The following SPAG16 variants were observed in gnomAD, a reference collection of about 807,000 sequenced individuals.
SPAG16 encodes the protein sperm associated antigen 16.
In SPAG16, 86 loss-of-function variants were observed where a neutral mutation model predicts 80.4. The ratio of observed to expected loss-of-function variants is 1.07; its 90% CI spans 0.90 to 1.28. The LOEUF (loss-of-function observed/expected upper bound fraction) is 1.28. Ranked by LOEUF, SPAG16 falls within the 50% of genes most tolerant of loss-of-function variation. The pLI, the probability that SPAG16 is intolerant of heterozygous loss-of-function variation, is 0.00. For missense variants in SPAG16, 870 were observed against 765.3 expected, an observed-to-expected ratio of 1.14 and a Z score of -1.61; for synonymous variants, 294 against 265.9, an observed-to-expected ratio of 1.11 and a Z score of -1.03.
chr2:214,132,705 G>C (rs1254355463), intron 14 of SPAG16, among the ~76,000 whole-genome samples: 1 of 152,130 alleles, frequency 6.6e-6, no homozygotes, highest in East Asian at 1.9e-4. Context: ...TGCATTTGAG[G>C]AATAGCCAAT....
chr2:213,429,408 C>A (rs1216878674), intron 9 of SPAG16, among the ~76,000 whole-genome samples: 1 of 152,110 alleles, frequency 6.6e-6, no homozygotes, highest in African/African-American at 2.4e-5. Flanking sequence ...CATTAAGTTG[C>A]TCCCTGGCCT....
At chr2:214,078,784 G>A (rs900954431) in intron 13 of SPAG16, among the ~76,000 whole-genome samples, 1 of 152,142 alleles carries the variant, frequency 6.6e-6, no homozygotes, top group Non-Finnish European at 1.5e-5. Context: ...TGTTTTCAGA[G>A]TATTTCTCTA....
chr2:213,610,914 G>A (rs1279865800), intron 10 of SPAG16, among the ~76,000 whole-genome samples: 2 of 152,118 alleles, frequency 1.3e-5, no homozygotes, highest in Non-Finnish European at 2.9e-5. Flanking sequence ...AAGATATCGG[G>A]ATATCTGGAC....
intron 15 of SPAG16, among the ~76,000 whole-genome samples, chr2:214,282,290 A>T (rs1309564714): frequency 1.3e-5 from 2 of 152,128 alleles, no homozygotes; most frequent in African/African-American, 4.8e-5. Context: ...AAAATTACTT[A>T]AAAAAGTGTT....
At chr2:214,228,168 A>T (rs1458646067) in intron 15 of SPAG16, among the ~76,000 whole-genome samples, 1 of 151,950 alleles carries the variant, frequency 6.6e-6, no homozygotes, top group African/African-American at 2.4e-5. Context: ...ATTCAATCCT[A>T]CTTTCCTTAA....
At chr2:213,578,287 C>T (rs939710650) in intron 10 of SPAG16, among the ~76,000 whole-genome samples, 1 of 151,982 alleles carries the variant, frequency 6.6e-6, no homozygotes, top group Admixed American at 6.6e-5. Flanking sequence ...TTGTTTCAGA[C>T]AGGACAGCAA....
intron 8 of SPAG16, among the ~76,000 whole-genome samples, chr2:213,374,223 C>T (rs1287515084): frequency 1.3e-5 from 2 of 152,142 alleles, no homozygotes; most frequent in South Asian, 4.1e-4. Flanking sequence ...TTCTTCCCTG[C>T]CTTTATAATC....
chr2:214,205,539 A>G (rs907166383), intron 15 of SPAG16, among the ~76,000 whole-genome samples: 1 of 152,220 alleles, frequency 6.6e-6, no homozygotes, highest in Non-Finnish European at 1.5e-5. Context: ...AGTCAGTATT[A>G]TACAAAAGCA....
chr2:214,384,767 G>T (rs1026382607), intron 15 of SPAG16, among the ~76,000 whole-genome samples: 2 of 152,164 alleles, frequency 1.3e-5, no homozygotes, highest in Non-Finnish European at 2.9e-5. Flanking sequence ...CAAAGCATAT[G>T]GCTGCTGCTT....
At chr2:213,702,558 G>C (rs1339438237) in intron 10 of SPAG16, among the ~76,000 whole-genome samples, 1 of 152,092 alleles carries the variant, frequency 6.6e-6, no homozygotes, top group Non-Finnish European at 1.5e-5. Context: ...AAGTTGGCGA[G>C]ACCAAGAACC....
chr2:214,107,066 A>G (rs2053422876), intron 13 of SPAG16, among the ~76,000 whole-genome samples: 1 of 151,902 alleles, frequency 6.6e-6, no homozygotes, highest in Non-Finnish European at 1.5e-5. Context: ...TTCAAACTTT[A>G]TCTTCTGGGT....
At chr2:214,243,735 T>A (rs1198366753) in intron 15 of SPAG16, among the ~76,000 whole-genome samples, 1 of 152,140 alleles carries the variant, frequency 6.6e-6, no homozygotes, top group Non-Finnish European at 1.5e-5. Flanking sequence ...AATAATTTCC[T>A]AAAAATTTGA....
intron 15 of SPAG16, among the ~76,000 whole-genome samples, chr2:214,294,141 T>C (rs1045381226): frequency 3.9e-5 from 6 of 152,224 alleles, no homozygotes; most frequent in African/African-American, 1.2e-4. Context: ...AAACCCAGCA[T>C]GAGCTCCCTC....
chr2:213,393,150 T>G (rs1327495718), intron 9 of SPAG16, among the ~76,000 whole-genome samples: 1 of 151,874 alleles, frequency 6.6e-6, no homozygotes, highest in Non-Finnish European at 1.5e-5. Context: ...TTTTGGATTA[T>G]GCATGTATAG....
At chr2:213,553,304 A>G (rs369130398) in intron 10 of SPAG16, among the ~76,000 whole-genome samples, 10 of 152,180 alleles carry the variant, frequency 6.6e-5, no homozygotes, top group East Asian at 1.9e-4. Context: ...GAGCAAAAAT[A>G]TGGAGAATAT....
At chr2:214,152,482 A>G (rs2056019784) in intron 15 of SPAG16, among the ~76,000 whole-genome samples, 1 of 152,172 alleles carries the variant, frequency 6.6e-6, no homozygotes, top group South Asian at 2.1e-4. Context: ...CGTGGACTCA[A>G]AGGGATAATG....
At chr2:214,085,370 T>A (rs2051656822) in intron 13 of SPAG16, among the ~76,000 whole-genome samples, 1 of 108,804 alleles carries the variant, frequency 9.2e-6, no homozygotes. Context: ...CAGAGGGAGA[T>A]TCCACCTCAA....
intron 10 of SPAG16, among the ~76,000 whole-genome samples, chr2:213,824,281 G>T (rs1031713055): frequency 2.0e-5 from 3 of 152,084 alleles, no homozygotes; most frequent in African/African-American, 7.2e-5. Context: ...CTATGGTACT[G>T]GTACCAAAAT....
chr2:213,738,872 T>A (rs565401277), intron 10 of SPAG16, among the ~76,000 whole-genome samples: 4 of 152,310 alleles, frequency 2.6e-5, no homozygotes, highest in African/African-American at 9.6e-5. Flanking sequence ...TCTGGCCAGA[T>A]TTCATTGCCA....
Sources: allele counts gnomAD v4.1 joint callset (sites outside exome capture counted in the v4.1 genomes callset), GRCh38; gene constraint gnomAD v4.1.1; transcripts MANE v1.5; gene names NCBI Gene and HGNC (gene_info 2026-07-23, HGNC 2026-07-21).